AFG1L: variants seen among roughly 807,000 people sequenced by gnomAD.
The protein encoded by AFG1L is AFG1-like ATPase.
In AFG1L, 53 loss-of-function variants were observed where a neutral mutation model predicts 62.2. The observed-to-expected ratio is 0.85, with a 90% CI of 0.68 to 1.07. The LOEUF (loss-of-function observed/expected upper bound fraction) is 1.07. Ranked by LOEUF, AFG1L falls within the 50% of genes least tolerant of loss-of-function variation. AFG1L has a pLI of 0.00. For missense variants in AFG1L, 555 were observed against 590.5 expected (o/e 0.94, Z 0.62); for synonymous variants, 228 against 210.3 (o/e 1.08, Z -0.73).
intron 7 of AFG1L, among the ~76,000 whole-genome samples, chr6:108,440,742 A>G (rs1275695943): frequency 6.6e-6 from 1 of 151,624 alleles, no homozygotes; most frequent in Non-Finnish European, 1.5e-5. Context: ...AATTGCTTGA[A>G]CGCAGGAAGC....
intron 3 of AFG1L, among the ~76,000 whole-genome samples, chr6:108,349,293 GGGCAACAT>G (rs1233813180): frequency 6.6e-6 from 1 of 152,036 alleles, no homozygotes; most frequent in African/African-American, 2.4e-5. Flanking sequence ...AGACCAGCCT[GGGCAACAT>G]GGCAAAACCC....
chr6:108,400,021 C>T (rs1781499451), intron 6 of AFG1L, among the ~76,000 whole-genome samples: 1 of 151,708 alleles, frequency 6.6e-6, no homozygotes, highest in Non-Finnish European at 1.5e-5. Context: ...TCAAGGGATC[C>T]ACCTGGCTCG....
chr6:108,367,642 G>C (rs775480701), intron 6 of AFG1L, among the ~76,000 whole-genome samples: 2 of 152,160 alleles, frequency 1.3e-5, no homozygotes, highest in Non-Finnish European at 2.9e-5. Context: ...TAGGGAGGTG[G>C]AGGTAGGGGT....
Position 108,495,396 on chromosome 6 carries a change from G to A in AFG1L, c.1063-14816G>A, listed in dbSNP as rs144549387. Among the ~76,000 whole-genome samples, 50 of 152,234 alleles carry A rather than the reference G, an allele frequency of 3.3e-4. 1 individual carries two copies. The East Asian group carries it at 8.9e-3, about 27-fold the overall frequency. Reference sequence around the variant, plus strand: ...CTAGATAGAGCTTGAAATCATAATCGTCCTACTTCAGCTGAAATAATGGTA... The same window carrying A: ...CTAGATAGAGCTTGAAATCATAATCATCCTACTTCAGCTGAAATAATGGTA... On this transcript the variant is annotated intron_variant, in intron 10 of 12. Coordinates refer to ENST00000368977, the MANE Select transcript of AFG1L (RefSeq NM_145315.5).
At chr6:108,519,234 G>T (rs894440066) in intron 11 of AFG1L, among the ~76,000 whole-genome samples, 1 of 152,158 alleles carries the variant, frequency 6.6e-6, no homozygotes, top group Admixed American at 6.5e-5. Flanking sequence ...CTGTATAAAG[G>T]CACCGAATCC....
chr6:108,473,554 T>A (rs1484384900), intron 8 of AFG1L, among the ~76,000 whole-genome samples: 1 of 151,916 alleles, frequency 6.6e-6, no homozygotes, highest in Non-Finnish European at 1.5e-5. Context: ...GCTCACTTTT[T>A]TAAAATTTTT....
intron 1 of AFG1L, among the ~76,000 whole-genome samples, chr6:108,300,157 T>C (rs1439982704): frequency 6.6e-6 from 1 of 152,080 alleles, no homozygotes; most frequent in Non-Finnish European, 1.5e-5. Flanking sequence ...ATTAGGGTTT[T>C]TTTTTTTTGA....
At chr6:108,357,320 ATCC>A (rs1437866590) in intron 5 of AFG1L, among the ~76,000 whole-genome samples, 4 of 152,100 alleles carry the variant, frequency 2.6e-5, no homozygotes, top group Non-Finnish European at 5.9e-5. Context: ...GCCTCAAGTG[ATCC>A]TCCAGCTTCA....
chr6:108,325,780 C>T (rs1778019581), intron 2 of AFG1L, among the ~76,000 whole-genome samples: 1 of 151,764 alleles, frequency 6.6e-6, no homozygotes, highest in African/African-American at 2.4e-5. Context: ...GCCACTGCAC[C>T]TGACCTATTT....
chr6:108,402,467 TAAAAAAAAAAAAA>T (rs55775052), intron 7 of AFG1L, among the ~76,000 whole-genome samples: 1 of 91,182 alleles, frequency 1.1e-5, no homozygotes, highest in Non-Finnish European at 2.1e-5. Flanking sequence ...CCGTCTCGAA[TAAAAAAAAAAAAA>T]AAAAAAAAAA....
intron 6 of AFG1L, among the ~76,000 whole-genome samples, chr6:108,383,995 T>C (rs1454204447): frequency 6.6e-6 from 1 of 151,618 alleles, no homozygotes; most frequent in Non-Finnish European, 1.5e-5. Flanking sequence ...AAATGATCTT[T>C]CTGCAGGTAA....
intron 8 of AFG1L, 90 bp from the exon 9 acceptor site, chr6:108,476,775 A>G: frequency 3.6e-6 from 3 of 836,556 alleles, no homozygotes; most frequent in Non-Finnish European, 6.0e-6. Context: ...CTTTTTTTTT[A>G]TGGGCAAAAA....
intron 7 of AFG1L, among the ~76,000 whole-genome samples, chr6:108,438,732 G>A (rs779639815): frequency 4.6e-5 from 7 of 152,000 alleles, no homozygotes; most frequent in Non-Finnish European, 8.8e-5. Context: ...CCCCCTTCCC[G>A]CTTTTTGGAA....
intron 11 of AFG1L, among the ~76,000 whole-genome samples, chr6:108,514,807 A>G (rs974878495): frequency 1.3e-5 from 2 of 152,206 alleles, no homozygotes; most frequent in Non-Finnish European, 2.9e-5. Context: ...AGGAAGATCT[A>G]CCAAGCAAAT....
intron 1 of AFG1L, among the ~76,000 whole-genome samples, chr6:108,323,602 C>A (rs1368434107): frequency 6.6e-6 from 1 of 152,180 alleles, no homozygotes; most frequent in Non-Finnish European, 1.5e-5. Flanking sequence ...CTCAAGTGAT[C>A]TGCCTGCCTT....
intron 8 of AFG1L, among the ~76,000 whole-genome samples, chr6:108,458,498 A>C (rs188128043): frequency 1.5e-4 from 23 of 152,112 alleles, no homozygotes; most frequent in African/African-American, 5.3e-4. Context: ...TTCTTTTTTA[A>C]AAGGCAAAGT....
rs1033080340 is a variant in AFG1L, at chr6:108,346,922, A to T, written c.364-66A>T. On this transcript the variant is annotated intron_variant, in intron 2 of 12. Coordinates refer to ENST00000368977, the MANE Select transcript of AFG1L (RefSeq NM_145315.5). ...TTCTGTATATAGGACAGTTAGGAAG[A>T]CTATGTATATGATTATATTTAATTA... The T allele has an allele frequency of 3.3e-6, 4 of 1,206,082 alleles. No individual in the cohort carries two copies. The Admixed American group carries it at 5.1e-5, about 15-fold the overall frequency. The allele number at this position is 1,206,082 out of a possible 1,614,324, so 74.7% of individuals were successfully genotyped here. A position where few individuals can be genotyped will look rare whatever the true frequency, so the allele number is the denominator to read the frequency against.
chr6:108,319,809 A>G (rs1484558366), intron 1 of AFG1L: 4 of 433,322 alleles, frequency 9.2e-6, no homozygotes, highest in South Asian at 5.0e-5. Context: ...TTATTTATTT[A>G]TTTATTTTGA....
intron 11 of AFG1L, among the ~76,000 whole-genome samples, chr6:108,517,742 G>T (rs1170336204): frequency 6.6e-6 from 1 of 152,076 alleles, no homozygotes; most frequent in East Asian, 1.9e-4. Flanking sequence ...GAAAAATTTT[G>T]CAATCTACTC....
Sources: allele counts gnomAD v4.1 joint callset (sites outside exome capture counted in the v4.1 genomes callset), GRCh38; gene constraint gnomAD v4.1.1; transcripts MANE v1.5; gene names NCBI Gene and HGNC (gene_info 2026-07-23, HGNC 2026-07-21).